The following CFAP57 variants were observed in gnomAD, a reference collection of about 807,000 sequenced individuals.
CFAP57 encodes the protein cilia and flagella associated protein 57.
Under a neutral mutation model 146.8 loss-of-function variants are expected in CFAP57, and 116 were observed. That is an observed-to-expected ratio of 0.79 (90% CI 0.68 to 0.92). The LOEUF is 0.92. Among genes scored for constraint, CFAP57 ranks in the 40% least tolerant of loss-of-function variants. CFAP57 has a pLI of 0.00. For synonymous variants in CFAP57, 518 were observed against 552.8 expected (o/e 0.94, Z 0.88); for missense variants, 1,377 against 1,527.2 (o/e 0.90, Z 1.64).
At chr1:43,213,729 C>A in intron 11 of CFAP57, among the ~76,000 whole-genome samples, 1 of 152,018 alleles carries the variant, frequency 6.6e-6, no homozygotes, top group East Asian at 1.9e-4. Context: ...TATTTGTTGT[C>A]TTTTTGATAA....
At chr1:43,212,944 A>AAAC (rs1343771758) in intron 11 of CFAP57, among the ~76,000 whole-genome samples, 3 of 151,346 alleles carry the variant, frequency 2.0e-5, no homozygotes, top group Admixed American at 6.6e-5. Context: ...TCAAAAAAAA[A>AAAC]AAAAAAGAAA....
chr1:43,199,601 T>C (rs1237607760), intron 9 of CFAP57, 98 bp downstream of exon 9: 7 of 1,053,344 alleles, frequency 6.6e-6, no homozygotes, highest in Non-Finnish European at 1.0e-5. Context: ...ATGGTTCCTT[T>C]CCTCATGGGT....
intron 22 of CFAP57, among the ~76,000 whole-genome samples, chr1:43,248,855 A>T (rs1013726249): frequency 1.4e-5 from 2 of 146,842 alleles, no homozygotes; most frequent in African/African-American, 5.1e-5. Flanking sequence ...CAACTTTTAG[A>T]AACATATTTC....
At chr1:43,185,099 C>G in intron 4 of CFAP57, 50 bp from the exon 5 acceptor site, 4 of 1,591,690 alleles carry the variant, frequency 2.5e-6, no homozygotes, top group Non-Finnish European at 3.4e-6. Context: ...CAGAATTCAT[C>G]TCCTCAAGAT....
chr1:43,219,457 G>T lies in CFAP57; in HGVS notation c.2167G>T (p.Asp723Tyr), dbSNP rs1644962388. Residue 723 changes from aspartate to tyrosine, a missense_variant, in exon 13 of 23, where the codon GAC becomes TAC. By Grantham distance (160) the Asp-to-Tyr change is radical. Coordinates refer to ENST00000372492, the MANE Select transcript of CFAP57 (RefSeq NM_001378189.1). ...MENEYQLRLKDMNYSEKIKEL... is the reference protein window; with the variant it reads ...MENEYQLRLKYMNYSEKIKEL... ...GAATGAGTATCAACTCCGACTAAAG[G>T]ACATGAACTATTCTGAGAAGATTAA... 6.4e-7 allele frequency: 1 copy of T among 1,550,566 alleles called. No individual in the cohort carries two copies. The highest frequency in any genetic ancestry group is 8.7e-7 in the Non-Finnish European group (1 of 1,147,000).
At chr1:43,187,078 C>T (rs144890195) in intron 6 of CFAP57, among the ~76,000 whole-genome samples, 130 of 152,288 alleles carry the variant, frequency 8.5e-4, no homozygotes, top group Admixed American at 1.4e-3. Flanking sequence ...GGAGGACAGA[C>T]GTATTGGCAT....
intron 2 of CFAP57, among the ~76,000 whole-genome samples, chr1:43,179,875 G>GATTT (rs1557725434): frequency 6.6e-6 from 1 of 151,984 alleles, no homozygotes; most frequent in South Asian, 2.1e-4. Context: ...AGGTACTTTT[G>GATTT]ATTTCATGGC....
At chr1:43,210,975 C>G (rs1644582921) in intron 11 of CFAP57, 1 of 151,700 alleles carries the variant, frequency 6.6e-6, no homozygotes, top group Admixed American at 6.6e-5. Flanking sequence ...TACACTGGAC[C>G]CCCCAAAAAA....
intron 21 of CFAP57, among the ~76,000 whole-genome samples, chr1:43,237,689 AG>A (rs1176654890): frequency 1.3e-5 from 2 of 152,186 alleles, no homozygotes; most frequent in African/African-American, 4.8e-5. Flanking sequence ...CCTGAGAAAA[AG>A]CAGAGAAGAG....
intron 2 of CFAP57, among the ~76,000 whole-genome samples, chr1:43,180,839 T>C (rs1557727150): frequency 6.6e-6 from 1 of 152,164 alleles, no homozygotes; most frequent in Non-Finnish European, 1.5e-5. Context: ...CTCTATGGTC[T>C]GACCCTATTC....
chr1:43,240,974 A>G (rs1645892436), intron 21 of CFAP57, among the ~76,000 whole-genome samples: 1 of 152,186 alleles, frequency 6.6e-6, no homozygotes, highest in South Asian at 2.1e-4. Context: ...AGCTGGGAGT[A>G]CAGGCACCCG....
At position 43,185,133 on chromosome 1, in the gene CFAP57, GTTTTT is replaced by G. The variant is rs762788959; in HGVS notation, c.762-13_762-9del. The G allele has an allele frequency of 3.1e-6, 5 of 1,613,222 alleles. No individual in the cohort carries two copies. Among genetic ancestry groups the G allele is most frequent in the Non-Finnish European group, 3.4e-6 (4 of 1,179,498 alleles). On this transcript the variant is annotated splice_polypyrimidine_tract_variant and intron_variant, in intron 4 of 22. Transcript: ENST00000372492. ...ATTGTCTCTATAAATTATGTATGCT[GTTTTT>G]TTGTTTCCAGCCTGATTGAATTTCC...
At chr1:43,250,700 G>T (rs1396350559) in intron 22 of CFAP57, among the ~76,000 whole-genome samples, 1 of 152,148 alleles carries the variant, frequency 6.6e-6, no homozygotes, top group Non-Finnish European at 1.5e-5. Flanking sequence ...TACTGGTTGG[G>T]CTTGATCGAC....
intron 11 of CFAP57, chr1:43,210,270 C>A: frequency 6.9e-7 from 1 of 1,457,698 alleles, no homozygotes; most frequent in South Asian, 1.4e-5. Flanking sequence ...CTGAAAGGAG[C>A]CATAGCCCTG....
chr1:43,207,060 C>A, intron 10 of CFAP57, 128 bp downstream of exon 10: 1 of 878,176 alleles, frequency 1.1e-6, no homozygotes, highest in Non-Finnish European at 1.8e-6. Flanking sequence ...CCCAAGATAA[C>A]ATCAGGCTCC....
intron 21 of CFAP57, among the ~76,000 whole-genome samples, chr1:43,236,686 G>A (rs1412320323): frequency 6.6e-6 from 1 of 151,578 alleles, no homozygotes; most frequent in African/African-American, 2.4e-5. Context: ...GAGGCGGGTG[G>A]ATCGTGAGGT....
chr1:43,202,651 C>G (rs141648016), intron 9 of CFAP57, among the ~76,000 whole-genome samples: 7,437 of 151,908 alleles, frequency 0.049, 617 homozygotes, highest in African/African-American at 0.17. Flanking sequence ...GGTGTGGTGG[C>G]ACACACCTGT....
At chr1:43,225,383 ACACCG>A (rs1645207519) in intron 17 of CFAP57, among the ~76,000 whole-genome samples, 1 of 152,240 alleles carries the variant, frequency 6.6e-6, no homozygotes, top group Non-Finnish European at 1.5e-5. Context: ...CAACGAATCA[ACACCG>A]CTGCTGTAGT....
At chr1:43,239,101 G>A (rs1430106736) in intron 21 of CFAP57, among the ~76,000 whole-genome samples, 2 of 152,192 alleles carry the variant, frequency 1.3e-5, no homozygotes, top group South Asian at 2.1e-4. Flanking sequence ...GGGTTGGGCA[G>A]GGGCCCAACC....
Sources: gnomAD v4.1 joint callset for allele counts (sites outside exome capture counted in the v4.1 genomes callset) on GRCh38, gnomAD v4.1.1 for gene constraint, MANE v1.5 for transcripts, NCBI Gene and HGNC (gene_info 2026-07-23, HGNC 2026-07-21) for gene names.